The following PKP4 variants were observed in gnomAD, a reference collection of about 807,000 sequenced individuals.
PKP4 encodes plakophilin 4.
Under a neutral mutation model 145.1 loss-of-function variants are expected in PKP4, and 90 were observed. The observed-to-expected ratio is 0.62, with a 90% CI of 0.52 to 0.74. PKP4 has a LOEUF of 0.74. Among genes scored for constraint, PKP4 ranks in the 30% least tolerant of loss-of-function variants. PKP4 has a pLI of 0.00. For synonymous variants in PKP4, 563 were observed against 577.2 expected, an observed-to-expected ratio of 0.98 and a Z score of 0.35; for missense variants, 1,340 against 1,482.7, an observed-to-expected ratio of 0.90 and a Z score of 1.58.
rs77595322 is a variant in PKP4 at position 158,569,368 on chromosome 2, C to T, written c.133-7903C>T. On this transcript the variant is annotated intron_variant, in intron 2 of 21. Transcript: ENST00000389759. The stretch of plus-strand genomic sequence containing the variant: ...ATTAGATGGGTAGCTGTATGTTGCA[C>T]TTTTCTTTGATCGTGAGATCTCAAG... Among the ~76,000 whole-genome samples, 167 of 152,258 alleles carry T rather than the reference C, an allele frequency of 1.1e-3. 1 individual carries two copies. Among genetic ancestry groups the T allele is most frequent in the African/African-American group, 3.3e-3 (139 of 41,558 alleles).
At chr2:158,503,437 T>C (rs4664248) in intron 1 of PKP4, among the ~76,000 whole-genome samples, 138,867 of 152,258 alleles carry the variant, frequency 0.91, 63,386 homozygotes, top group East Asian at 0.98. Context: ...AAAGCAAGTC[T>C]CATGAATAAG....
At chr2:158,532,862 TTC>T (rs2043693620) in intron 1 of PKP4, among the ~76,000 whole-genome samples, 4 of 152,240 alleles carry the variant, frequency 2.6e-5, no homozygotes. Flanking sequence ...TTTTTTTCTT[TTC>T]TGTTGCAAAA....
At chr2:158,607,720 G>A (rs1455989685) in intron 4 of PKP4, among the ~76,000 whole-genome samples, 1 of 152,096 alleles carries the variant, frequency 6.6e-6, no homozygotes, top group African/African-American at 2.4e-5. Flanking sequence ...CTATACACTG[G>A]CTGAACTGAG....
intron 1 of PKP4, among the ~76,000 whole-genome samples, chr2:158,463,412 GAAAA>G (rs137946075): frequency 8.8e-6 from 1 of 113,430 alleles, no homozygotes; most frequent in Non-Finnish European, 1.8e-5. Flanking sequence ...GATCACAGTT[GAAAA>G]AAAAAAAAAA....
intron 2 of PKP4, among the ~76,000 whole-genome samples, chr2:158,563,952 G>T (rs985073788): frequency 7.9e-5 from 12 of 152,096 alleles, no homozygotes; most frequent in Non-Finnish European, 1.2e-4. Context: ...TACCACGTTC[G>T]AGGAATTGAC....
chr2:158,539,695 G>A (rs1350897506), intron 2 of PKP4, among the ~76,000 whole-genome samples: 1 of 152,188 alleles, frequency 6.6e-6, no homozygotes, highest in African/African-American at 2.4e-5. Flanking sequence ...CCCAAGATAA[G>A]ATTGGATCTC....
At chr2:158,562,262 C>T (rs115296319) in intron 2 of PKP4, among the ~76,000 whole-genome samples, 5,483 of 152,078 alleles carry the variant, frequency 0.036, 235 homozygotes, top group African/African-American at 0.1. Context: ...ATTGGCAGTC[C>T]ATTGACAGAT....
intron 2 of PKP4, among the ~76,000 whole-genome samples, chr2:158,569,550 C>T (rs1349633595): frequency 5.3e-5 from 8 of 152,130 alleles, no homozygotes; most frequent in Non-Finnish European, 1.2e-4. Flanking sequence ...TCAGTCTTGA[C>T]AAAAGTGATT....
intron 9 of PKP4, among the ~76,000 whole-genome samples, chr2:158,635,001 A>G (rs1170027536): frequency 2.0e-5 from 3 of 150,952 alleles, no homozygotes; most frequent in South Asian, 2.1e-4. Flanking sequence ...TTTTGAAACT[A>G]AAAGAATTTT....
chr2:158,675,773 C>T (rs2057951395), intron 19 of PKP4, among the ~76,000 whole-genome samples: 1 of 152,202 alleles, frequency 6.6e-6, no homozygotes, highest in African/African-American at 2.4e-5. Context: ...TAACACTGAA[C>T]AATCCTATGT....
chr2:158,634,322 C>T (rs765103258), intron 9 of PKP4, 33 bp downstream of exon 9: 3 of 1,558,860 alleles, frequency 1.9e-6, no homozygotes, highest in Non-Finnish European at 2.7e-6. Flanking sequence ...TAGAAGGCTA[C>T]AGTATTGCAG....
intron 1 of PKP4, among the ~76,000 whole-genome samples, chr2:158,525,899 T>A (rs1021428185): frequency 1.1e-4 from 17 of 150,874 alleles, no homozygotes; most frequent in Admixed American, 1.1e-3. Context: ...ATGGATAAAT[T>A]CCTCGACACG....
intron 2 of PKP4, among the ~76,000 whole-genome samples, chr2:158,567,360 A>G (rs10933492): frequency 0.74 from 112,718 of 152,086 alleles, 42,668 homozygotes; most frequent in East Asian, 0.92. Flanking sequence ...GGTGCATGAA[A>G]GGAAGTGATA....
chr2:158,483,378 TAAATCA>T (rs1559204863), intron 1 of PKP4, among the ~76,000 whole-genome samples: 7 of 148,274 alleles, frequency 4.7e-5, no homozygotes, highest in Non-Finnish European at 7.5e-5. Context: ...TTTTTTTTTT[TAAATCA>T]TTTTGTCTTC....
chr2:158,639,347 C>CATGT (rs2054087409), intron 9 of PKP4, among the ~76,000 whole-genome samples: 1 of 146,884 alleles, frequency 6.8e-6, no homozygotes, highest in Non-Finnish European at 1.5e-5. Context: ...TGTGTGCGTG[C>CATGT]GTGTGTGTTT....
intron 1 of PKP4, among the ~76,000 whole-genome samples, chr2:158,496,574 C>T (rs1175380492): frequency 6.6e-6 from 1 of 152,124 alleles, no homozygotes; most frequent in Non-Finnish European, 1.5e-5. Flanking sequence ...TGTGCAAGTT[C>T]AGAAGTTTTT....
intron 4 of PKP4, among the ~76,000 whole-genome samples, chr2:158,613,578 AG>A (rs2051325904): frequency 6.6e-6 from 1 of 152,138 alleles, no homozygotes; most frequent in South Asian, 2.1e-4. Flanking sequence ...GGACAGCAAT[AG>A]TGTTAAAATT....
chr2:158,486,041 G>T (rs1694121589), intron 1 of PKP4, among the ~76,000 whole-genome samples: 1 of 152,020 alleles, frequency 6.6e-6, no homozygotes. Flanking sequence ...TAATAGTGGA[G>T]TTCAAAGTAA....
At chr2:158,677,917 G>A (rs1398739760) in intron 20 of PKP4, among the ~76,000 whole-genome samples, 1 of 151,970 alleles carries the variant, frequency 6.6e-6, no homozygotes, top group African/African-American at 2.4e-5. Context: ...CCTCAACTAC[G>A]TTTCATTTTC....
Sources: gnomAD v4.1 joint callset for allele counts (sites outside exome capture counted in the v4.1 genomes callset) on GRCh38, gnomAD v4.1.1 for gene constraint, MANE v1.5 for transcripts, NCBI Gene and HGNC (gene_info 2026-07-23, HGNC 2026-07-21) for gene names.